Variants in ENTREP2 observed in about 807,000 individuals in gnomAD.
ENTREP2 encodes endosomal transmembrane epsin interactor 2, also known as protein ENTREP2.
the ENTREP2 span, among the ~76,000 whole-genome samples, chr15:29,424,259 C>G: frequency 6.6e-6 from 1 of 152,168 alleles, no homozygotes; most frequent in Non-Finnish European, 1.5e-5. Flanking sequence ...CATGGGGCTC[C>G]CACCGCTGAC....
At chr15:29,314,687 C>A in the ENTREP2 span, among the ~76,000 whole-genome samples, 1 of 152,248 alleles carries the variant, frequency 6.6e-6, no homozygotes, top group South Asian at 2.1e-4. Context: ...ACTAAACCTG[C>A]AATATCTCTG....
the ENTREP2 span, among the ~76,000 whole-genome samples, chr15:29,587,228 G>A: frequency 6.7e-6 from 1 of 149,180 alleles, no homozygotes; most frequent in African/African-American, 2.5e-5. Flanking sequence ...TAGAAACAAT[G>A]ACCAACCCAG....
the ENTREP2 span, among the ~76,000 whole-genome samples, chr15:29,613,024 T>C: frequency 2.0e-5 from 3 of 152,150 alleles, no homozygotes; most frequent in Admixed American, 2.0e-4. Context: ...TGTTTCATCC[T>C]AACTCCCCCA....
chr15:29,189,547 T>A, the ENTREP2 span, among the ~76,000 whole-genome samples: 1 of 152,182 alleles, frequency 6.6e-6, no homozygotes, highest in Non-Finnish European at 1.5e-5. Flanking sequence ...TAATTTGGTT[T>A]ATTGTGGCTC....
At chr15:29,335,025 C>T in the ENTREP2 span, among the ~76,000 whole-genome samples, 1 of 152,172 alleles carries the variant, frequency 6.6e-6, no homozygotes, top group African/African-American at 2.4e-5. Context: ...ACAGTGGGAA[C>T]CAAGATCCCA....
the ENTREP2 span, among the ~76,000 whole-genome samples, chr15:29,394,787 T>C: frequency 6.6e-6 from 1 of 151,966 alleles, no homozygotes; most frequent in Non-Finnish European, 1.5e-5. Context: ...TGTCTCTATA[T>C]GAGTGGAATC....
the ENTREP2 span, among the ~76,000 whole-genome samples, chr15:29,638,042 C>A: frequency 2.0e-5 from 3 of 152,218 alleles, no homozygotes; most frequent in East Asian, 3.9e-4. Context: ...TCTGTCACTG[C>A]ACCTAACTGC....
chr15:29,637,559 A>T, the ENTREP2 span, among the ~76,000 whole-genome samples: 1 of 152,182 alleles, frequency 6.6e-6, no homozygotes, highest in Admixed American at 6.5e-5. Context: ...AGTGAGTGAG[A>T]GAGTGAGTGT....
the ENTREP2 span, among the ~76,000 whole-genome samples, chr15:29,294,271 A>C: frequency 3.3e-5 from 5 of 152,242 alleles, no homozygotes; most frequent in African/African-American, 9.6e-5. Flanking sequence ...TCAAAGAAGC[A>C]GGCAATGTGT....
At chr15:29,285,401 T>C in the ENTREP2 span, among the ~76,000 whole-genome samples, 19 of 152,298 alleles carry the variant, frequency 1.2e-4, no homozygotes, top group Admixed American at 3.3e-4. Flanking sequence ...GCAAAGCACT[T>C]CCCTGCAGAT....
chr15:29,528,196 C>T, the ENTREP2 span, among the ~76,000 whole-genome samples: 9 of 152,012 alleles, frequency 5.9e-5, no homozygotes, highest in Non-Finnish European at 8.8e-5. Flanking sequence ...GGTCATCTGA[C>T]GGGGTCAGAT....
At chr15:29,473,451 T>A in the ENTREP2 span, among the ~76,000 whole-genome samples, 1 of 152,116 alleles carries the variant, frequency 6.6e-6, no homozygotes, top group Admixed American at 6.5e-5. Context: ...CATGCCTGGA[T>A]CTTCCAATTC....
At chr15:29,145,925 G>T in the ENTREP2 span, among the ~76,000 whole-genome samples, 19 of 152,200 alleles carry the variant, frequency 1.2e-4, no homozygotes, top group African/African-American at 4.1e-4. Context: ...CCAGAGAAAA[G>T]CCCAACAACA....
the ENTREP2 span, among the ~76,000 whole-genome samples, chr15:29,564,700 AC>A: frequency 6.6e-6 from 1 of 152,038 alleles, no homozygotes; most frequent in Admixed American, 6.6e-5. Context: ...TTTGGGTTCC[AC>A]CACCTGTCAA....
At chr15:29,644,016 T>C in the ENTREP2 span, among the ~76,000 whole-genome samples, 1 of 152,050 alleles carries the variant, frequency 6.6e-6, no homozygotes, top group East Asian at 1.9e-4. Flanking sequence ...ATTCATAATA[T>C]CCAAAAAGTG....
the ENTREP2 span, among the ~76,000 whole-genome samples, chr15:29,635,128 C>T: frequency 6.6e-6 from 1 of 152,192 alleles, no homozygotes; most frequent in African/African-American, 2.4e-5. Context: ...CAGGCATGAG[C>T]CACCGCACCC....
the ENTREP2 span, among the ~76,000 whole-genome samples, chr15:29,127,755 T>C: frequency 1.3e-5 from 2 of 152,126 alleles, no homozygotes; most frequent in African/African-American, 4.8e-5. Context: ...CCCCTGTCTA[T>C]TTCCACCTGC....
the ENTREP2 span, among the ~76,000 whole-genome samples, chr15:29,140,427 T>A: frequency 6.6e-6 from 1 of 152,178 alleles, no homozygotes; most frequent in Non-Finnish European, 1.5e-5. Flanking sequence ...TTGGTCGCCA[T>A]CCTGCTACCA....
the ENTREP2 span, among the ~76,000 whole-genome samples, chr15:29,446,794 T>C: frequency 1.7e-4 from 26 of 152,168 alleles, no homozygotes; most frequent in Non-Finnish European, 2.9e-5. Flanking sequence ...CTCCTAGAGG[T>C]GACCCACATT....
Sources: allele counts gnomAD v4.1 joint callset (sites outside exome capture counted in the v4.1 genomes callset), GRCh38; gene constraint gnomAD v4.1.1; transcripts MANE v1.5; gene names NCBI Gene and HGNC (gene_info 2026-07-23, HGNC 2026-07-21).